LYN: variants seen among roughly 807,000 people sequenced by gnomAD.
LYN encodes the protein LYN proto-oncogene, Src family tyrosine kinase, also known as tyrosine-protein kinase Lyn.
Under a neutral mutation model 65.0 loss-of-function variants are expected in LYN, and 12 were observed. The observed-to-expected ratio is 0.18, with a 90% CI of 0.12 to 0.30. The LOEUF is 0.30. Ranked by LOEUF, LYN falls within the 10% of genes least tolerant of loss-of-function variation. The pLI, the probability that LYN is intolerant of heterozygous loss-of-function variation, is 1.00. For missense variants in LYN, 380 were observed against 623.2 expected (o/e 0.61, Z 4.16); for synonymous variants, 222 against 221.2 (o/e 1.00, Z -0.03).
chr8:55,925,161 T>G (rs1192902008), intron 1 of LYN, among the ~76,000 whole-genome samples: 3 of 152,216 alleles, frequency 2.0e-5, no homozygotes, highest in Admixed American at 6.5e-5. Context: ...CTTACTCTGT[T>G]GCCCAGGCTA....
At chr8:55,889,550 T>A (rs1585564410) in intron 1 of LYN, among the ~76,000 whole-genome samples, 1 of 152,082 alleles carries the variant, frequency 6.6e-6, no homozygotes, top group Admixed American at 6.5e-5. Context: ...TAGTGGGTGG[T>A]TTGGGGGAAT....
intron 1 of LYN, among the ~76,000 whole-genome samples, chr8:55,939,032 T>G (rs1806520898): frequency 6.6e-6 from 1 of 152,256 alleles, no homozygotes; most frequent in Non-Finnish European, 1.5e-5. Context: ...CATTGTAAAG[T>G]GTAGCTCATA....
chr8:55,925,645 G>A (rs932216221), intron 1 of LYN, among the ~76,000 whole-genome samples: 3 of 152,078 alleles, frequency 2.0e-5, no homozygotes, highest in South Asian at 4.1e-4. Flanking sequence ...TTTTTCATGG[G>A]TGAGGAAGCA....
At chr8:55,999,985 A>G (rs1226197332) in intron 12 of LYN, among the ~76,000 whole-genome samples, 1 of 152,142 alleles carries the variant, frequency 6.6e-6, no homozygotes, top group Non-Finnish European at 1.5e-5. Context: ...CAAAAAAAAG[A>G]CTTGATTTTT....
chr8:55,946,800 C>T (rs550229427), intron 3 of LYN, among the ~76,000 whole-genome samples: 1 of 152,312 alleles, frequency 6.6e-6, no homozygotes, highest in African/African-American at 2.4e-5. Flanking sequence ...TTATGAATTT[C>T]ACTACTCTAG....
chr8:55,945,615 C>T (rs1237664775), intron 2 of LYN, among the ~76,000 whole-genome samples: 2 of 152,214 alleles, frequency 1.3e-5, no homozygotes, highest in Non-Finnish European at 2.9e-5. Flanking sequence ...CAGCATCTAT[C>T]TTACAAGAGG....
At chr8:55,956,957 C>T (rs887657498) in intron 8 of LYN, among the ~76,000 whole-genome samples, 1 of 152,212 alleles carries the variant, frequency 6.6e-6, no homozygotes, top group Admixed American at 6.5e-5. Flanking sequence ...TTGACATTCT[C>T]ACTTACTCAT....
At chr8:55,978,777 G>C (rs911850972) in intron 10 of LYN, among the ~76,000 whole-genome samples, 2 of 152,280 alleles carry the variant, frequency 1.3e-5, no homozygotes, top group East Asian at 3.9e-4. Context: ...GGGACTTTGC[G>C]ACAGGGAAGT....
At chr8:55,929,673 G>A (rs1317381919) in intron 1 of LYN, among the ~76,000 whole-genome samples, 1 of 152,208 alleles carries the variant, frequency 6.6e-6, no homozygotes, top group Non-Finnish European at 1.5e-5. Flanking sequence ...TGGGAGGCCT[G>A]GAGAGGTGCT....
chr8:55,998,022 T>A lies in LYN; in HGVS notation c.1051-324T>A, dbSNP rs565841746. ...TGGTGTGAACCCAGGAGGTGGAGCT[T>A]GCAGTGAGCCAAGATAGCGCCACTG... On this transcript the variant is annotated intron_variant, in intron 10 of 12. Coordinates refer to ENST00000519728, the MANE Select transcript of LYN (RefSeq NM_002350.4). 4.0e-5 allele frequency among the ~76,000 whole-genome samples: 6 copies of A among 151,876 alleles called. No homozygotes were observed. In the East Asian group the frequency reaches 9.7e-4, roughly 25 times the overall value.
intron 1 of LYN, among the ~76,000 whole-genome samples, chr8:55,907,896 A>C (rs976467290): frequency 6.6e-6 from 1 of 152,152 alleles, no homozygotes; most frequent in Non-Finnish European, 1.5e-5. Flanking sequence ...TAAATAAATA[A>C]ATAAATACAA....
At chr8:56,007,016 T>C (rs1808692210) in intron 12 of LYN, among the ~76,000 whole-genome samples, 1 of 152,208 alleles carries the variant, frequency 6.6e-6, no homozygotes, top group Non-Finnish European at 1.5e-5. Flanking sequence ...GTCCAGCCTT[T>C]ACCAGCATCA....
intron 1 of LYN, among the ~76,000 whole-genome samples, chr8:55,885,771 T>C (rs1328647237): frequency 6.6e-6 from 1 of 152,184 alleles, no homozygotes; most frequent in African/African-American, 2.4e-5. Context: ...AGCAGAACTG[T>C]AGCCCGATGC....
rs372348713 is a variant in LYN at position 55,947,676 on chromosome 8, G to A, written c.237G>A (p.Pro79=). 3.7e-5 allele frequency: 60 copies of A among 1,613,986 alleles called. 1 individual carries two copies. The highest frequency in any genetic ancestry group is 9.9e-5 in the South Asian group (9 of 91,068). Residue 79 remains proline, a synonymous_variant, in exon 4 of 13, where the codon CCG becomes CCA. Transcript: ENST00000519728. ...TGTACCCCTATGATGGCATCCACCC[G>A]GACGACTTGTCTTTCAAGAAAGGAG... The part of the protein sequence containing the change: ...VALYPYDGIH[P]DDLSFKKGEK...
At chr8:55,956,998 T>A (rs1272225571) in intron 8 of LYN, among the ~76,000 whole-genome samples, 1 of 152,248 alleles carries the variant, frequency 6.6e-6, no homozygotes, top group Non-Finnish European at 1.5e-5. Context: ...GAGGCATTAC[T>A]GTGATCATTC....
At chr8:55,922,584 A>G (rs886221318) in intron 1 of LYN, among the ~76,000 whole-genome samples, 1 of 152,076 alleles carries the variant, frequency 6.6e-6, no homozygotes, top group Admixed American at 6.6e-5. Flanking sequence ...CCTGGCCAAC[A>G]TGGTGAAACC....
At chr8:55,940,931 T>C (rs1806591788) in intron 1 of LYN, among the ~76,000 whole-genome samples, 1 of 152,176 alleles carries the variant, frequency 6.6e-6, no homozygotes, top group Non-Finnish European at 1.5e-5. Flanking sequence ...AGACCGTCAT[T>C]TTGCTTTTAC....
At chr8:55,973,515 C>T (rs1342627759) in intron 10 of LYN, among the ~76,000 whole-genome samples, 1 of 152,134 alleles carries the variant, frequency 6.6e-6, no homozygotes, top group Non-Finnish European at 1.5e-5. Flanking sequence ...CTTTTAGGCC[C>T]TATGTCAGAG....
At chr8:55,914,459 A>G (rs951895837) in intron 1 of LYN, among the ~76,000 whole-genome samples, 1 of 152,182 alleles carries the variant, frequency 6.6e-6, no homozygotes, top group Non-Finnish European at 1.5e-5. Context: ...TGAGCCGTGT[A>G]CAGTTCCTTC....
Sources: allele counts gnomAD v4.1 joint callset (sites outside exome capture counted in the v4.1 genomes callset), GRCh38; gene constraint gnomAD v4.1.1; transcripts MANE v1.5; gene names NCBI Gene and HGNC (gene_info 2026-07-23, HGNC 2026-07-21).